TMEM230: variants seen among roughly 807,000 people sequenced by gnomAD.
TMEM230 encodes the protein UPF0414 transmembrane protein C20orf30.
TMEM230 carries 10 observed loss-of-function variants against 15.8 expected under a neutral mutation model. The ratio of observed to expected loss-of-function variants is 0.63; its 90% CI spans 0.39 to 1.07. The LOEUF is 1.07. Ranked by LOEUF, TMEM230 falls within the 50% of genes least tolerant of loss-of-function variation. TMEM230 has a pLI of 0.01. For synonymous variants in TMEM230, 67 were observed against 76.9 expected (o/e 0.87, Z 0.68); for missense variants, 165 against 193.3 (o/e 0.85, Z 0.87).
chr20:5,066,105 G>A (rs1224276527), downstream of TMEM230: 1 of 152,264 alleles, frequency 6.6e-6, no homozygotes, highest in Non-Finnish European at 1.5e-5. Context: ...CTAAGTCATG[G>A]TCAGGTTAGT....
intron 3 of TMEM230, among the ~76,000 whole-genome samples, chr20:5,108,749 G>T (rs1218227403): frequency 6.6e-6 from 1 of 152,178 alleles, no homozygotes; most frequent in Non-Finnish European, 1.5e-5. Context: ...TGTGCAAAAG[G>T]AGATGCTGTA....
chr20:5,060,440 A>G, the TMEM230 span, among the ~76,000 whole-genome samples: 9 of 149,102 alleles, frequency 6.0e-5, no homozygotes, highest in Non-Finnish European at 1.0e-4. Context: ...AGGTTCAAGC[A>G]ATTCTTCTGC....
intron 4 of TMEM230, among the ~76,000 whole-genome samples, chr20:5,101,557 G>GTTAC (rs1446479719): frequency 6.6e-6 from 1 of 151,710 alleles, no homozygotes; most frequent in Non-Finnish European, 1.5e-5. Context: ...AGTAGCTGGA[G>GTTAC]TTACAGGTGT....
downstream of TMEM230, among the ~76,000 whole-genome samples, chr20:5,099,169 C>T (rs958605473): frequency 8.0e-5 from 12 of 150,860 alleles, no homozygotes; most frequent in East Asian, 2.1e-3. Flanking sequence ...CCAGCCTGGG[C>T]AGTAGAGCAA....
chr20:5,082,828 G>A (rs556874429), intron 3 of TMEM230, among the ~76,000 whole-genome samples: 5 of 151,886 alleles, frequency 3.3e-5, no homozygotes, highest in South Asian at 2.1e-4. Context: ...AATGATAGAC[G>A]TTAGTGGGCA....
At chr20:5,085,702 C>G (rs774171043) in intron 3 of TMEM230, among the ~76,000 whole-genome samples, 1 of 151,180 alleles carries the variant, frequency 6.6e-6, no homozygotes, top group Non-Finnish European at 1.5e-5. Context: ...TAGTCCCAGA[C>G]AAAAAAAAGC....
At chr20:5,099,733 TAACC>T (rs1568497091), downstream of TMEM230, 38 of 582,414 alleles carry the variant, frequency 6.5e-5, no homozygotes, top group Non-Finnish European at 8.0e-5. Flanking sequence ...CCCAAGTCCA[TAACC>T]TCAGAGTTAG....
At chr20:5,093,504 G>T (rs916966735) in intron 3 of TMEM230, among the ~76,000 whole-genome samples, 2 of 151,770 alleles carry the variant, frequency 1.3e-5, no homozygotes, top group Non-Finnish European at 2.9e-5. Flanking sequence ...GCCTCCCAAC[G>T]TGCTGGGGTT....
At chr20:5,091,992 G>C (rs1413774482) in intron 3 of TMEM230, among the ~76,000 whole-genome samples, 1 of 152,164 alleles carries the variant, frequency 6.6e-6, no homozygotes, top group African/African-American at 2.4e-5. Flanking sequence ...TGTTCCCAAA[G>C]TACTCTCAAG....
At chr20:5,067,752 C>CT, downstream of TMEM230, among the ~76,000 whole-genome samples, 1 of 73,674 alleles carries the variant, frequency 1.4e-5, no homozygotes, top group East Asian at 8.5e-4. Context: ...CCCCACCCAG[C>CT]CCCCCTCTGC....
intron 3 of TMEM230, among the ~76,000 whole-genome samples, chr20:5,073,222 C>T (rs758697630): frequency 2.6e-4 from 39 of 152,176 alleles, no homozygotes; most frequent in African/African-American, 9.4e-4. Flanking sequence ...AAAATCCCAG[C>T]GCTTACACAA....
intron 3 of TMEM230, among the ~76,000 whole-genome samples, chr20:5,091,060 G>T (rs1275940209): frequency 6.6e-6 from 1 of 152,032 alleles, no homozygotes; most frequent in Non-Finnish European, 1.5e-5. Context: ...GTGCAGTGGC[G>T]AGATCATGGC....
intron 3 of TMEM230, among the ~76,000 whole-genome samples, chr20:5,084,706 G>C (rs1430341699): frequency 6.6e-6 from 1 of 152,036 alleles, no homozygotes; most frequent in Admixed American, 6.6e-5. Context: ...GCTAATTTTT[G>C]TATTTTTAGT....
chr20:5,112,779 C>T lies in TMEM230; in HGVS notation c.68+182G>A, dbSNP rs149865687. 9.0e-4 allele frequency: 1,338 copies of T among 1,481,328 alleles called. 22 individuals carry two copies. The East Asian group carries it at 0.027, about 30-fold the overall frequency. The allele number at this position is 1,481,328 out of a possible 1,614,324, so 91.8% of individuals were successfully genotyped here. On this transcript the variant is annotated intron_variant, in intron 1 of 4. Transcript: ENST00000342308. ...CCTTGCCAGGGAGAGAAATAAGAAC[C>T]GACGCGAATTTAGACGTAAAACAAA...
chr20:5,074,821 A>T (rs6084983), intron 3 of TMEM230, among the ~76,000 whole-genome samples: 76,318 of 151,702 alleles, frequency 0.5, 20,343 homozygotes, highest in East Asian at 0.84. Flanking sequence ...TTTAAAAAAA[A>T]TTTTATTTTT....
Position 5,089,987 on chromosome 20 carries a change from C to T in TMEM230, c.222+16201G>A, listed in dbSNP as rs146344369. 4.6e-5 allele frequency among the ~76,000 whole-genome samples: 7 copies of T among 152,016 alleles called. No homozygotes were observed. The East Asian group carries it at 1.4e-3, about 29-fold the overall frequency. On this transcript the variant is annotated intron_variant, in intron 3 of 3. Coordinates refer to the TMEM230 transcript ENST00000612323. Reference sequence around the variant, plus strand: ...TGGGCTATCGTGCCACTGCACTCCTCCCTGGGTGGCAGAAGACTCCATCTC... The same window carrying T: ...TGGGCTATCGTGCCACTGCACTCCTTCCTGGGTGGCAGAAGACTCCATCTC...
At position 5,075,680 on chromosome 20, in the gene TMEM230, G is replaced by A. The variant is rs886704052; in HGVS notation, c.223-6331C>T. Among the ~76,000 whole-genome samples, 9 of 152,072 alleles carry A rather than the reference G, an allele frequency of 5.9e-5. No individual in the cohort carries two copies. In the South Asian group the frequency reaches 1.5e-3, roughly 25 times the overall value. ...GCAGAAGTTGCAGTGAGCTGAGATC[G>A]CACCACTTCACTCCAGCCTGGGCGA... On this transcript the variant is annotated intron_variant, in intron 3 of 3. Transcript: ENST00000612323.
chr20:5,107,117 C>G (rs2090124452), intron 3 of TMEM230, among the ~76,000 whole-genome samples: 1 of 152,170 alleles, frequency 6.6e-6, no homozygotes. Flanking sequence ...GCCTGAGCAA[C>G]ATGGTGAAAC....
chr20:5,092,417 A>G (rs1196014660), intron 3 of TMEM230, among the ~76,000 whole-genome samples: 1 of 152,060 alleles, frequency 6.6e-6, no homozygotes, highest in Non-Finnish European at 1.5e-5. Context: ...AATGTAATAC[A>G]CACGTTAAGA....
Sources: allele counts gnomAD v4.1 joint callset (sites outside exome capture counted in the v4.1 genomes callset), GRCh38; gene constraint gnomAD v4.1.1; transcripts MANE v1.5; gene names NCBI Gene and HGNC (gene_info 2026-07-23, HGNC 2026-07-21).